ADAMTSL1: variants seen among roughly 807,000 people sequenced by gnomAD.
ADAMTSL1 encodes ADAMTS like 1.
In ADAMTSL1, 126 loss-of-function variants were observed where a neutral mutation model predicts 201.8. The ratio of observed to expected loss-of-function variants is 0.62; its 90% CI spans 0.54 to 0.72. The LOEUF is 0.72. Ranked by LOEUF, ADAMTSL1 falls within the 30% of genes least tolerant of loss-of-function variation. The probability of loss-of-function intolerance (pLI) is 0.00; values close to 1 mark genes in which losing one functional copy is unlikely to be tolerated. For synonymous variants in ADAMTSL1, 1,121 were observed against 903.4 expected, an observed-to-expected ratio of 1.24 and a Z score of -4.32; for missense variants, 2,679 against 2,277.8, an observed-to-expected ratio of 1.18 and a Z score of -3.59.
intron 7 of ADAMTSL1, among the ~76,000 whole-genome samples, chr9:18,647,658 C>T (rs1275208082): frequency 1.3e-5 from 2 of 151,218 alleles, no homozygotes; most frequent in Admixed American, 1.3e-4. Flanking sequence ...AGTAGTCATT[C>T]AGGAGCAGGT....
chr9:18,666,268 G>C (rs1450352417), intron 9 of ADAMTSL1, among the ~76,000 whole-genome samples: 1 of 152,148 alleles, frequency 6.6e-6, no homozygotes, highest in African/African-American at 2.4e-5. Flanking sequence ...CTGGCCAAAA[G>C]TGGTAAACTA....
intron 1 of ADAMTSL1, among the ~76,000 whole-genome samples, chr9:18,042,842 G>A (rs1821486527): frequency 6.6e-6 from 1 of 152,148 alleles, no homozygotes; most frequent in Admixed American, 6.6e-5. Context: ...ACAGAATGAT[G>A]AGGTTGTGAG....
chr9:18,735,330 A>T (rs62552760), intron 15 of ADAMTSL1, among the ~76,000 whole-genome samples: 1 of 152,188 alleles, frequency 6.6e-6, no homozygotes, highest in Non-Finnish European at 1.5e-5. Context: ...GTTCCGTGAA[A>T]CTAGGTGTTA....
intron 1 of ADAMTSL1, among the ~76,000 whole-genome samples, chr9:18,123,783 G>A (rs1587103811): frequency 6.6e-6 from 1 of 152,088 alleles, no homozygotes; most frequent in Admixed American, 6.6e-5. Context: ...CTAGCCCCTG[G>A]CAGCCATTAA....
intron 23 of ADAMTSL1, among the ~76,000 whole-genome samples, chr9:18,866,663 A>G (rs1827558921): frequency 1.3e-5 from 2 of 152,234 alleles, no homozygotes; most frequent in Admixed American, 6.5e-5. Flanking sequence ...GCAGAGGGAC[A>G]TTGCCTCAGG....
At chr9:17,977,966 G>A (rs1422101682) in intron 1 of ADAMTSL1, among the ~76,000 whole-genome samples, 1 of 151,802 alleles carries the variant, frequency 6.6e-6, no homozygotes, top group African/African-American at 2.4e-5. Flanking sequence ...GTTAATATTT[G>A]CTTTATATTC....
rs1459392423 is a variant in ADAMTSL1, at chr9:18,217,895, A to C, written c.207+53914A>C. On this transcript the variant is annotated intron_variant, in intron 2 of 29. Transcript: ENST00000680146. Reference sequence around the variant, plus strand: ...CCTTGAGGCAATGTACGTGCTGAGAAGTGAGTAGCCCACCCAACTTGGGAG... The same window carrying C: ...CCTTGAGGCAATGTACGTGCTGAGACGTGAGTAGCCCACCCAACTTGGGAG... 3.9e-5 allele frequency among the ~76,000 whole-genome samples: 6 copies of C among 152,144 alleles called. No homozygotes were observed. In the South Asian group the frequency reaches 6.2e-4, roughly 16 times the overall value.
At chr9:18,605,529 A>G (rs1824954890) in intron 4 of ADAMTSL1, among the ~76,000 whole-genome samples, 1 of 152,202 alleles carries the variant, frequency 6.6e-6, no homozygotes, top group African/African-American at 2.4e-5. Context: ...GTACTCAGCA[A>G]TGGGTTCTGC....
intron 1 of ADAMTSL1, among the ~76,000 whole-genome samples, chr9:18,090,722 C>T (rs1823975264): frequency 6.6e-6 from 1 of 152,112 alleles, no homozygotes. Flanking sequence ...GAACTGTACA[C>T]TAAAAAATGG....
intron 2 of ADAMTSL1, among the ~76,000 whole-genome samples, chr9:18,227,841 A>G (rs1587354622): frequency 6.6e-6 from 1 of 152,178 alleles, no homozygotes; most frequent in Admixed American, 6.5e-5. Flanking sequence ...GGCATAATTC[A>G]TTGCCCCTTA....
At chr9:18,807,924 C>T (rs1823268134) in intron 20 of ADAMTSL1, among the ~76,000 whole-genome samples, 1 of 152,120 alleles carries the variant, frequency 6.6e-6, no homozygotes. Flanking sequence ...TGATTGTAAT[C>T]GTGTCCACAA....
At chr9:17,962,872 G>C (rs1047052967) in intron 1 of ADAMTSL1, among the ~76,000 whole-genome samples, 2 of 152,186 alleles carry the variant, frequency 1.3e-5, no homozygotes, top group African/African-American at 4.8e-5. Context: ...CAAAGTACAT[G>C]GCCTTGTTGC....
intron 4 of ADAMTSL1, among the ~76,000 whole-genome samples, chr9:18,620,068 ATTAG>A (rs1212626528): frequency 7.4e-6 from 1 of 135,106 alleles, no homozygotes; most frequent in African/African-American, 2.9e-5. Flanking sequence ...TTCCTCTCCA[ATTAG>A]TTAGTATCCA....
chr9:18,413,714 CTCTTT>C (rs1818552282), intron 2 of ADAMTSL1, among the ~76,000 whole-genome samples: 1 of 152,170 alleles, frequency 6.6e-6, no homozygotes, highest in African/African-American at 2.4e-5. Flanking sequence ...ACTCTTCATT[CTCTTT>C]TATTATTGAA....
At chr9:18,390,086 C>T (rs1837980515) in intron 2 of ADAMTSL1, among the ~76,000 whole-genome samples, 1 of 151,882 alleles carries the variant, frequency 6.6e-6, no homozygotes, top group Admixed American at 6.6e-5. Flanking sequence ...TTAGTTTAAG[C>T]CAGATTTCAG....
intron 1 of ADAMTSL1, among the ~76,000 whole-genome samples, chr9:17,907,974 G>C (rs1035274731): frequency 2.0e-5 from 3 of 152,108 alleles, no homozygotes; most frequent in Non-Finnish European, 2.9e-5. Context: ...ATGGAGACTT[G>C]TCCAAATAGG....
chr9:18,849,669 A>G (rs1157660051), intron 23 of ADAMTSL1, among the ~76,000 whole-genome samples: 1 of 152,210 alleles, frequency 6.6e-6, no homozygotes, highest in Non-Finnish European at 1.5e-5. Flanking sequence ...GGAAGGACTC[A>G]TGTCAAAGAG....
intron 2 of ADAMTSL1, among the ~76,000 whole-genome samples, chr9:18,418,981 G>C (rs773968592): frequency 2.0e-5 from 3 of 152,028 alleles, no homozygotes; most frequent in Non-Finnish European, 4.4e-5. Flanking sequence ...TATCGGCAAA[G>C]AGAGAGACAA....
chr9:17,950,676 A>G (rs1434487241), intron 1 of ADAMTSL1, among the ~76,000 whole-genome samples: 1 of 152,100 alleles, frequency 6.6e-6, no homozygotes, highest in African/African-American at 2.4e-5. Context: ...ATATGAATAT[A>G]TCAGAGTTTA....
Sources: gnomAD v4.1 joint callset for allele counts (sites outside exome capture counted in the v4.1 genomes callset) on GRCh38, gnomAD v4.1.1 for gene constraint, MANE v1.5 for transcripts, NCBI Gene and HGNC (gene_info 2026-07-23, HGNC 2026-07-21) for gene names.